Variants in GTF3C1 observed in about 807,000 individuals in gnomAD.
The protein encoded by GTF3C1 is general transcription factor IIIC subunit 1.
A neutral mutation model predicts 226.7 loss-of-function variants in GTF3C1; 57 were observed. The ratio of observed to expected loss-of-function variants is 0.25; its 90% CI spans 0.20 to 0.31. The LOEUF is 0.31. Ranked by LOEUF, GTF3C1 falls within the 10% of genes least tolerant of loss-of-function variation. The pLI, the probability that GTF3C1 is intolerant of heterozygous loss-of-function variation, is 1.00. For missense variants in GTF3C1, 2,217 were observed against 2,776.1 expected, an observed-to-expected ratio of 0.80 and a Z score of 4.53; for synonymous variants, 1,090 against 1,084.8, an observed-to-expected ratio of 1.00 and a Z score of -0.09.
At chr16:27,472,909 AAC>A (rs1170254891) in intron 29 of GTF3C1, among the ~76,000 whole-genome samples, 1 of 152,154 alleles carries the variant, frequency 6.6e-6, no homozygotes, top group African/African-American at 2.4e-5. Flanking sequence ...GTCCCAGGAG[AAC>A]ACAGATTCAA....
rs1315638129 is a variant in GTF3C1 at position 27,511,757 on chromosome 16, T to C, written c.1118A>G (p.Tyr373Cys). The C allele has an allele frequency of 6.2e-7, 1 of 1,614,192 alleles. No homozygotes were observed. Among genetic ancestry groups the C allele is most frequent in the Admixed American group, 1.7e-5 (1 of 60,016 alleles). The change falls in exon 7 of 37, where the codon TAC (tyrosine) becomes TGC (cysteine). Residue 373 changes from tyrosine to cysteine, a missense_variant. By Grantham distance (194) the Tyr-to-Cys change is radical (BLOSUM62 -2). Transcript: ENST00000356183. ...ATGGGAACAAGACTTACTGAGGTCG[T>C]AGGTCTGTGTGAGCATATCCCGCTC... is the stretch of plus-strand genomic sequence containing the variant. ...VFERDMLTQTYDLIERRGTKG... is the reference protein window; with the variant it reads ...VFERDMLTQTCDLIERRGTKG...
At chr16:27,532,293 A>C (rs1201245205) in intron 5 of GTF3C1, among the ~76,000 whole-genome samples, 1 of 152,202 alleles carries the variant, frequency 6.6e-6, no homozygotes, top group Non-Finnish European at 1.5e-5. Flanking sequence ...CCCCCTGTGA[A>C]CAATGAAATC....
Position 27,471,565 on chromosome 16 carries a change from C to G in GTF3C1, c.4526+183G>C. Reference sequence around the variant, plus strand: ...ACACAAAGAAGCTGCCAGCGCTCACCTGATCCCCATACCACGAAGGAGGTA... The same window carrying G: ...ACACAAAGAAGCTGCCAGCGCTCACGTGATCCCCATACCACGAAGGAGGTA... On this transcript the variant is annotated intron_variant, in intron 30 of 36. Coordinates refer to ENST00000356183, the MANE Select transcript of GTF3C1 (RefSeq NM_001520.4). The surrounding 1 kb of genome is among the most constrained non-coding windows in gnomAD (Gnocchi z 5.0). 6 of 580,794 alleles carry G rather than the reference C, an allele frequency of 1.0e-5. No homozygotes were observed. The South Asian group carries it at 1.1e-4, about 11-fold the overall frequency. The allele number at this position is 580,794 out of a possible 1,614,324, so 36.0% of individuals were successfully genotyped here.
Position 27,488,645 on chromosome 16 carries a change from A to G in GTF3C1, c.3430-10T>C. On this transcript the variant is annotated splice_polypyrimidine_tract_variant and intron_variant, in intron 21 of 36. Coordinates refer to ENST00000356183, the MANE Select transcript of GTF3C1 (RefSeq NM_001520.4). The stretch of plus-strand genomic sequence containing the variant: ...CTGCGGCAGTGTTCTCCTGTGAGAC[A>G]AGCACAGCACTGGGATGAAGCATGA... 2 of 1,604,698 alleles carry G rather than the reference A, an allele frequency of 1.2e-6. No individual in the cohort carries two copies. The highest frequency in any genetic ancestry group is 1.7e-6 in the Non-Finnish European group (2 of 1,173,198).
Position 27,469,685 on chromosome 16 carries a change from G to A in GTF3C1, c.4815-135C>T. 1 of 969,620 alleles carries A rather than the reference G, an allele frequency of 1.0e-6. No individual in the cohort carries two copies. Among genetic ancestry groups the A allele is most frequent in the Non-Finnish European group, 1.6e-6 (1 of 643,230 alleles). The allele number at this position is 969,620 out of a possible 1,614,324, so 60.1% of individuals were successfully genotyped here. A position where few individuals can be genotyped will look rare whatever the true frequency, so the allele number is the denominator to read the frequency against. ...GCAACTGGCTATGCTTCATTACCAA[G>A]GCTGGTGTGGATGGCTGCCCCAGAT... On this transcript the variant is annotated intron_variant, in intron 31 of 36. Coordinates refer to ENST00000356183, the MANE Select transcript of GTF3C1 (RefSeq NM_001520.4). The surrounding 1 kb of genome is among the most constrained non-coding windows in gnomAD (Gnocchi z 4.5).
At chr16:27,519,959 T>C (rs557815554) in intron 6 of GTF3C1, among the ~76,000 whole-genome samples, 2 of 152,112 alleles carry the variant, frequency 1.3e-5, no homozygotes, top group African/African-American at 2.4e-5. Context: ...AACAATTTTT[T>C]AAAAAAATTA....
Position 27,462,538 on chromosome 16 carries a change from C to T in GTF3C1, c.5925-52G>A, listed in dbSNP as rs769281682. 9 of 1,436,446 alleles carry T rather than the reference C, an allele frequency of 6.3e-6. No individual in the cohort carries two copies. The Admixed American group carries it at 8.6e-5, about 14-fold the overall frequency. The allele number at this position is 1,436,446 out of a possible 1,614,324, so 89.0% of individuals were successfully genotyped here. On this transcript the variant is annotated intron_variant, in intron 35 of 36. Coordinates refer to ENST00000356183, the MANE Select transcript of GTF3C1 (RefSeq NM_001520.4). This position sits in a 1 kb window ranked among gnomAD's most constrained non-coding sequence, Gnocchi z 4.5. The stretch of plus-strand genomic sequence containing the variant: ...GCTTGGTGGGGGCAGGAGGGCAGCT[C>T]GTCCAGACAGAACACTGAGGCTCAG...
chr16:27,480,736 T>A, intron 27 of GTF3C1: 1 of 259,616 alleles, frequency 3.9e-6, no homozygotes, highest in Non-Finnish European at 7.4e-6. Flanking sequence ...CCCTCCTATG[T>A]TCAAATCCTG....
At chr16:27,534,880 A>G (rs1482653372) in intron 4 of GTF3C1, among the ~76,000 whole-genome samples, 1 of 151,978 alleles carries the variant, frequency 6.6e-6, no homozygotes, top group Non-Finnish European at 1.5e-5. Context: ...AAAATATATT[A>G]GAAAATATAT....
intron 11 of GTF3C1, 113 bp downstream of exon 11, chr16:27,502,746 G>T: frequency 9.1e-7 from 1 of 1,096,094 alleles, no homozygotes; most frequent in Non-Finnish European, 1.3e-6. Context: ...AATCTACACA[G>T]TGGGACAGAG....
intron 1 of GTF3C1, 110 bp downstream of exon 1, chr16:27,549,560 C>A: frequency 1.5e-6 from 1 of 681,586 alleles, no homozygotes. Flanking sequence ...AATCAACAGG[C>A]CTCCGGTACT....
At chr16:27,473,117 C>T (rs962058685) in intron 29 of GTF3C1, among the ~76,000 whole-genome samples, 1 of 152,296 alleles carries the variant, frequency 6.6e-6, no homozygotes, top group African/African-American at 2.4e-5. Flanking sequence ...ACCATGTTGC[C>T]CAGGCTGGTC....
chr16:27,462,186 A>C lies in GTF3C1; in HGVS notation c.6117+108T>G. 1.4e-6 allele frequency: 1 copy of C among 739,854 alleles called. No individual in the cohort carries two copies. Among genetic ancestry groups the C allele is most frequent in the Non-Finnish European group, 2.2e-6 (1 of 449,656 alleles). The allele number at this position is 739,854 out of a possible 1,614,324, so 45.8% of individuals were successfully genotyped here. ...ACAAGCTGGGGGAGGAGGTGCAGGC[A>C]AGCAGTATGGTGGTACTGCATGTTG... On this transcript the variant is annotated intron_variant, in intron 36 of 36. Transcript: ENST00000356183. This position sits in a 1 kb window ranked among gnomAD's most constrained non-coding sequence, Gnocchi z 4.5.
intron 29 of GTF3C1, among the ~76,000 whole-genome samples, chr16:27,475,351 G>C (rs1236418719): frequency 6.6e-6 from 1 of 152,216 alleles, no homozygotes. Context: ...GATTAGGAAA[G>C]TCCCTTTGTT....
chr16:27,493,293 C>A lies in GTF3C1; in HGVS notation c.2782G>T (p.Asp928Tyr). The A allele has an allele frequency of 6.4e-7, 1 of 1,571,246 alleles. No individual in the cohort carries two copies. The highest frequency in any genetic ancestry group is 1.1e-5 in the South Asian group (1 of 90,240). Residue 928 changes from aspartate (D) to tyrosine (Y), a missense_variant, in exon 17 of 37, where the codon GAC becomes TAC. By Grantham distance (160) the Asp-to-Tyr change is radical (BLOSUM62 -3). Around this residue, in one of 12 missense-constraint regions of GTF3C1, gnomAD observed 353 missense variants for 411.7 expected, o/e 0.86. Transcript: ENST00000356183. ...TCGTTCAGAAATTCCTCCAGGTTGT[C>A]CACCTGAAGAGGTGATGTGCAGGTT... ...IQIVQVSYKV[D>Y]NLEEFLNDPL...
chr16:27,543,285 C>T (rs1486498283), intron 2 of GTF3C1, among the ~76,000 whole-genome samples: 1 of 152,158 alleles, frequency 6.6e-6, no homozygotes, highest in Non-Finnish European at 1.5e-5. Flanking sequence ...ACTCGGGAGG[C>T]TGAGGCAGGA....
intron 6 of GTF3C1, among the ~76,000 whole-genome samples, chr16:27,512,778 T>C (rs1235737927): frequency 6.6e-6 from 1 of 152,232 alleles, no homozygotes; most frequent in African/African-American, 2.4e-5. Flanking sequence ...TTCTTGATAC[T>C]TGACATGAGC....
chr16:27,515,797 T>C (rs1170614839), intron 6 of GTF3C1, among the ~76,000 whole-genome samples: 4 of 152,248 alleles, frequency 2.6e-5, no homozygotes, highest in Admixed American at 6.5e-5. Flanking sequence ...AGACAGCATC[T>C]GTACAGAGGC....
intron 4 of GTF3C1, among the ~76,000 whole-genome samples, chr16:27,536,798 G>A (rs2089008278): frequency 1.3e-5 from 2 of 152,132 alleles, no homozygotes; most frequent in Non-Finnish European, 1.5e-5. Flanking sequence ...CTCTTCCCAG[G>A]CCCTGCACCA....
Sources: gnomAD v4.1 joint callset for allele counts (sites outside exome capture counted in the v4.1 genomes callset) on GRCh38, gnomAD v4.1.1 for gene constraint, gnomAD v4.1.1 regional missense constraint, Gnocchi (gnomAD v3.1) non-coding constraint, MANE v1.5 for transcripts, NCBI Gene and HGNC (gene_info 2026-07-23, HGNC 2026-07-21) for gene names.